The following MYH11 variants were observed in gnomAD, a reference collection of about 807,000 sequenced individuals.
MYH11 encodes myosin-11.
In MYH11, 80 loss-of-function variants were observed where a neutral mutation model predicts 246.6. That is an observed-to-expected ratio of 0.32 (90% CI 0.27 to 0.39). The LOEUF is 0.39. Ranked by LOEUF, MYH11 falls within the 10% of genes least tolerant of loss-of-function variation. The pLI is 1.00. For missense variants in MYH11, 2,158 were observed against 2,546.8 expected (o/e 0.85, Z 3.29); for synonymous variants, 1,071 against 1,015.5 (o/e 1.05, Z -1.04).
intron 40 of MYH11, chr16:15,711,187 T>C (rs1463669272): frequency 6.6e-6 from 1 of 152,202 alleles, no homozygotes; most frequent in Admixed American, 6.5e-5. Flanking sequence ...CTCAGAGGGG[T>C]TTGGACTTTT....
intron 3 of MYH11, among the ~76,000 whole-genome samples, chr16:15,809,982 C>A (rs1779457028): frequency 1.3e-5 from 2 of 152,070 alleles, no homozygotes; most frequent in African/African-American, 4.8e-5. Flanking sequence ...TTTTCAGGTT[C>A]ACTCCCTTAA....
At chr16:15,835,188 A>C (rs2043860076) in intron 2 of MYH11, among the ~76,000 whole-genome samples, 1 of 152,088 alleles carries the variant, frequency 6.6e-6, no homozygotes, top group Non-Finnish European at 1.5e-5. Context: ...ACAGTGGAAA[A>C]ATGGCCTATC....
intron 5 of MYH11, chr16:15,786,092 C>A: frequency 3.8e-6 from 1 of 265,568 alleles, no homozygotes; most frequent in Non-Finnish European, 7.4e-6. Context: ...ATCCGGGAAC[C>A]CAAAAGGTAC....
At chr16:15,808,709 G>T (rs1460389348) in intron 3 of MYH11, among the ~76,000 whole-genome samples, 1 of 151,820 alleles carries the variant, frequency 6.6e-6, no homozygotes, top group Non-Finnish European at 1.5e-5. Flanking sequence ...CTCAAAGCGA[G>T]ACCCCTATCT....
At chr16:15,830,402 G>C (rs1478578774) in intron 2 of MYH11, among the ~76,000 whole-genome samples, 1 of 152,190 alleles carries the variant, frequency 6.6e-6, no homozygotes, top group Non-Finnish European at 1.5e-5. Flanking sequence ...TAGCAGACAG[G>C]CTTAATCATT....
intron 16 of MYH11, among the ~76,000 whole-genome samples, chr16:15,748,614 C>T (rs1258854723): frequency 6.6e-6 from 1 of 152,038 alleles, no homozygotes; most frequent in African/African-American, 2.4e-5. Context: ...CCCTCAATCC[C>T]TTTGTCCTTT....
At chr16:15,709,610 C>T (rs12443661) in intron 40 of MYH11, among the ~76,000 whole-genome samples, 30,660 of 152,118 alleles carry the variant, frequency 0.2, 3,920 homozygotes, top group Middle Eastern at 0.37. Context: ...CCACTGCACC[C>T]GGCTCAGTTT....
chr16:15,803,147 A>C (rs2042927223), intron 3 of MYH11, among the ~76,000 whole-genome samples: 2 of 152,016 alleles, frequency 1.3e-5, no homozygotes, highest in Non-Finnish European at 2.9e-5. Flanking sequence ...AAAGAAAAAA[A>C]AAGCAGGAAA....
intron 1 of MYH11, among the ~76,000 whole-genome samples, chr16:15,855,711 T>C (rs914844736): frequency 2.0e-5 from 3 of 152,360 alleles, no homozygotes. Flanking sequence ...ATTCTCTATC[T>C]TATTTCACAC....
At chr16:15,747,478 C>A in intron 19 of MYH11, 92 bp downstream of exon 19, 1 of 1,464,228 alleles carries the variant, frequency 6.8e-7, no homozygotes, top group Non-Finnish European at 9.6e-7. Flanking sequence ...GCATCTTAAA[C>A]AGGTGGCCTC....
chr16:15,715,609 C>A (rs1464960985), intron 38 of MYH11, among the ~76,000 whole-genome samples: 2 of 152,104 alleles, frequency 1.3e-5, no homozygotes, highest in Admixed American at 1.3e-4. Context: ...GGAGTGGTTA[C>A]AGGGCATGGG....
At chr16:15,717,950 C>A (rs1300191068) in intron 37 of MYH11, 1 of 371,700 alleles carries the variant, frequency 2.7e-6, no homozygotes. Flanking sequence ...TAGTGCCCAC[C>A]ATGGAACTAG....
chr16:15,819,471 C>T (rs1036872631), intron 3 of MYH11, among the ~76,000 whole-genome samples: 1 of 152,148 alleles, frequency 6.6e-6, no homozygotes, highest in African/African-American at 2.4e-5. Flanking sequence ...CCTCTCAGAT[C>T]AGAGGCGGCA....
chr16:15,711,625 G>C (rs1033370327), intron 40 of MYH11, among the ~76,000 whole-genome samples: 4 of 152,178 alleles, frequency 2.6e-5, no homozygotes, highest in African/African-American at 9.7e-5. Flanking sequence ...GGTGGTATGA[G>C]AATGAAGCGG....
chr16:15,853,026 G>T (rs760817561), intron 1 of MYH11, among the ~76,000 whole-genome samples: 4 of 152,198 alleles, frequency 2.6e-5, no homozygotes, highest in Non-Finnish European at 5.9e-5. Context: ...GCCTGTGGAA[G>T]ATCCTTAGGT....
chr16:15,766,445 T>A (rs535431593), intron 9 of MYH11, among the ~76,000 whole-genome samples: 2 of 150,546 alleles, frequency 1.3e-5, no homozygotes, highest in Non-Finnish European at 1.5e-5. Context: ...CTCGGCTCAC[T>A]GCAACCTCTG....
At chr16:15,755,649 G>A (rs952372781) in intron 14 of MYH11, among the ~76,000 whole-genome samples, 4 of 152,044 alleles carry the variant, frequency 2.6e-5, no homozygotes, top group African/African-American at 9.7e-5. Context: ...ATTTAGCTGG[G>A]CGGCCAGGCA....
intron 10 of MYH11, among the ~76,000 whole-genome samples, chr16:15,762,817 G>A (rs2091597605): frequency 6.6e-6 from 1 of 152,218 alleles, no homozygotes; most frequent in Non-Finnish European, 1.5e-5. Flanking sequence ...AATTGGCTCT[G>A]TCTAGGCTGT....
intron 11 of MYH11, 76 bp from the exon 12 acceptor site, chr16:15,759,804 AT>A: frequency 1.9e-6 from 3 of 1,578,478 alleles, no homozygotes; most frequent in Non-Finnish European, 1.7e-6. Flanking sequence ...GGTGGTGAAG[AT>A]TTTTATTCTT....
Sources: allele counts gnomAD v4.1 joint callset (sites outside exome capture counted in the v4.1 genomes callset), GRCh38; gene constraint gnomAD v4.1.1; transcripts MANE v1.5; gene names NCBI Gene and HGNC (gene_info 2026-07-23, HGNC 2026-07-21).